The following FHAD1 variants were observed in gnomAD, a reference collection of about 807,000 sequenced individuals.
The protein encoded by FHAD1 is forkhead-associated domain-containing protein 1.
A neutral mutation model predicts 191.3 loss-of-function variants in FHAD1; 146 were observed. The observed-to-expected ratio is 0.76, with a 90% CI of 0.67 to 0.88. FHAD1 has a LOEUF of 0.88. FHAD1 is among the 40% of genes least tolerant of loss of function. FHAD1 has a pLI of 0.00. For missense variants in FHAD1, 1,635 were observed against 1,785.8 expected (o/e 0.92, Z 1.52); for synonymous variants, 616 against 672.3 (o/e 0.92, Z 1.29).
chr1:15,289,665 A>G lies in FHAD1; in HGVS notation c.567A>G (p.Gln189=). The change falls in exon 4 of 34, where the codon CAA becomes CAG. Residue 189 remains glutamine (Q), a splice_region_variant and synonymous_variant. Coordinates refer to ENST00000688493, the MANE Select transcript of FHAD1 (RefSeq NM_001391957.1). The surrounding 1 kb of genome is among the most constrained non-coding windows in gnomAD (Gnocchi z 4.2). ...CCCGCAAGCCACCCGTCATCAAGCAAGGTATGCGTCAGGGCTGCCATTGGT... is the reference window on the plus strand; with the variant it reads ...CCCGCAAGCCACCCGTCATCAAGCAGGGTATGCGTCAGGGCTGCCATTGGT... ...DDARKPPVIK[Q]VWTNAMKLSE... 2 of 1,546,994 alleles carry G rather than the reference A, an allele frequency of 1.3e-6. No homozygotes were observed. Among genetic ancestry groups the G allele is most frequent in the Non-Finnish European group, 1.7e-6 (2 of 1,143,290 alleles).
chr1:15,330,070 T>C (rs1680583874), intron 14 of FHAD1: 1 of 154,308 alleles, frequency 6.5e-6, no homozygotes, highest in Non-Finnish European at 1.4e-5. Flanking sequence ...CCCTCGATTT[T>C]CTTTGGTTTA....
chr1:15,286,585 C>T (rs557686425), intron 3 of FHAD1, among the ~76,000 whole-genome samples: 2 of 152,362 alleles, frequency 1.3e-5, no homozygotes, highest in East Asian at 3.9e-4. Flanking sequence ...TCTCAAGTCC[C>T]CAGTTCTCTG....
intron 11 of FHAD1, 168 bp from the exon 12 acceptor site, chr1:15,326,891 T>G (rs979175834): frequency 5.1e-6 from 3 of 584,690 alleles, no homozygotes. Context: ...TTTTCTTCTG[T>G]GGGTCCCGCC....
Position 15,248,948 on chromosome 1 carries a change from C to G in FHAD1, c.-15+1553C>G, listed in dbSNP as rs1023584824. The stretch of plus-strand genomic sequence containing the variant: ...CCTGGATAGGGACACTATCCCTATC[C>G]TCTCAGGATATTTGCCCTACAGATG... On this transcript the variant is annotated intron_variant, in intron 1 of 33. Transcript: ENST00000688493. Among the ~76,000 whole-genome samples, 20 of 151,724 alleles carry G rather than the reference C, an allele frequency of 1.3e-4. No homozygotes were observed. The East Asian group carries it at 3.7e-3, about 28-fold the overall frequency.
Position 15,391,253 on chromosome 1 carries a change from C to T in FHAD1, c.4313C>T (p.Ser1438Leu), listed in dbSNP as rs1210806292. The T allele has an allele frequency of 3.0e-5, 39 of 1,288,236 alleles. No homozygotes were observed. Among genetic ancestry groups the T allele is most frequent in the Non-Finnish European group, 3.6e-5 (36 of 987,738 alleles). The allele number at this position is 1,288,236 out of a possible 1,614,324, so 79.8% of individuals were successfully genotyped here. ...VEMVKNRMQNSNSQVGTRKAS... is the reference protein window; with the variant it reads ...VEMVKNRMQNLNSQVGTRKAS... ...ATGGTGAAGAACAGGATGCAGAACT[C>T]AAATTCCCAGGTGAGCAGAAAGAGC... The change falls in exon 33 of 34, where the codon TCA becomes TTA. Residue 1438 changes from serine to leucine, a missense_variant. Transcript: ENST00000688493.
chr1:15,388,112 T>C lies in FHAD1; in HGVS notation c.4250T>C (p.Phe1417Ser). Residue 1417 changes from phenylalanine to serine, a missense_variant, in exon 32 of 34, where the codon TTC (phenylalanine) becomes TCC (serine). Transcript: ENST00000688493. ...AKESTPCNCA[F>S]KEKDRQRRVF... The stretch of plus-strand genomic sequence containing the variant: ...GAATCGACACCTTGCAACTGTGCCT[T>C]CAAAGAGAAAGACAGGCAGGTATGG... The C allele has an allele frequency of 7.8e-7, 1 of 1,289,752 alleles. No individual in the cohort carries two copies. 79.9% of individuals were successfully genotyped at this position (1,289,752 alleles called of 1,614,324 possible). A position where few individuals can be genotyped will look rare whatever the true frequency, so the allele number is the denominator to read the frequency against.
chr1:15,372,634 T>C (rs1698444583), intron 26 of FHAD1, among the ~76,000 whole-genome samples: 1 of 152,226 alleles, frequency 6.6e-6, no homozygotes. Context: ...ACTTCTAAAA[T>C]AATTTTGGTT....
chr1:15,272,585 G>A (rs1340991413), intron 3 of FHAD1, 56 bp downstream of exon 3: 12 of 1,474,314 alleles, frequency 8.1e-6, no homozygotes, highest in East Asian at 5.0e-5. Context: ...GCAGCCCGGC[G>A]CTCGGATGCA....
chr1:15,341,292 T>A (rs1363531015), intron 15 of FHAD1, among the ~76,000 whole-genome samples: 1 of 152,226 alleles, frequency 6.6e-6, no homozygotes, highest in Non-Finnish European at 1.5e-5. Context: ...CCCTTCTCCT[T>A]ATTTTTCAGA....
chr1:15,308,026 G>A (rs1278491375), intron 6 of FHAD1, among the ~76,000 whole-genome samples: 12 of 152,236 alleles, frequency 7.9e-5, no homozygotes, highest in Admixed American at 4.6e-4. Flanking sequence ...CACTGCGCCC[G>A]GCCTAAACCT....
intron 18 of FHAD1, among the ~76,000 whole-genome samples, chr1:15,345,796 A>C (rs532118591): frequency 5.8e-4 from 89 of 152,266 alleles, no homozygotes; most frequent in African/African-American, 2.1e-3. Context: ...GAATGGTGAC[A>C]TGGGCGTCTT....
chr1:15,302,662 T>C (rs971917550), intron 6 of FHAD1, among the ~76,000 whole-genome samples: 6 of 148,898 alleles, frequency 4.0e-5, no homozygotes, highest in African/African-American at 1.5e-4. Context: ...GAGCTTGCAG[T>C]GAGCCAAGAT....
chr1:15,390,575 G>A (rs1007773763), intron 32 of FHAD1, among the ~76,000 whole-genome samples: 4 of 152,072 alleles, frequency 2.6e-5, no homozygotes, highest in African/African-American at 9.7e-5. Context: ...ATGGAAGGTT[G>A]GGGATCTCTG....
At chr1:15,328,034 A>C in intron 12 of FHAD1, 1 of 140,472 alleles carries the variant, frequency 7.1e-6, no homozygotes, top group South Asian at 2.6e-4. Flanking sequence ...ACTCCGTCGC[A>C]AAAAAAAAAA....
chr1:15,303,802 T>A (rs1669571911), intron 6 of FHAD1, among the ~76,000 whole-genome samples: 2 of 148,906 alleles, frequency 1.3e-5, no homozygotes, highest in Non-Finnish European at 3.0e-5. Flanking sequence ...TGAGCAGAGA[T>A]CATGCCACCA....
At position 15,397,726 on chromosome 1, in the gene FHAD1, A is replaced by G. The variant is rs1350527859; in HGVS notation, c.*313A>G. 5.6e-6 allele frequency: 1 copy of G among 178,022 alleles called. No homozygotes were observed. The highest frequency in any genetic ancestry group is 1.2e-5 in the Non-Finnish European group (1 of 85,246). The allele number at this position is 178,022 out of a possible 1,614,324, so 11.0% of individuals were successfully genotyped here. On this transcript the variant is annotated 3_prime_UTR_variant, in exon 34 of 34. Transcript: ENST00000688493. ...TGGGTCATGATGTTCCCAAATATCA[A>G]ACCTCCTAAGACTTCCAACAGACTC...
At chr1:15,243,395 C>T (rs1307593518), upstream of FHAD1, among the ~76,000 whole-genome samples, 2 of 152,232 alleles carry the variant, frequency 1.3e-5, no homozygotes, top group African/African-American at 4.8e-5. Flanking sequence ...CTATTTCCTG[C>T]ACTCTTTACT....
intron 17 of FHAD1, 59 bp from the exon 18 acceptor site, chr1:15,345,357 G>A: frequency 1.4e-6 from 2 of 1,478,522 alleles, no homozygotes; most frequent in Non-Finnish European, 1.9e-6. Flanking sequence ...GCGGTGCCTG[G>A]CAGAGTCCAG....
At chr1:15,389,053 T>C (rs1703102758) in intron 32 of FHAD1, among the ~76,000 whole-genome samples, 2 of 152,168 alleles carry the variant, frequency 1.3e-5, no homozygotes, top group African/African-American at 4.8e-5. Flanking sequence ...CCACCTGGGA[T>C]TCCTGGAGCC....
Sources: gnomAD v4.1 joint callset for allele counts (sites outside exome capture counted in the v4.1 genomes callset) on GRCh38, gnomAD v4.1.1 for gene constraint, Gnocchi (gnomAD v3.1) non-coding constraint, MANE v1.5 for transcripts, NCBI Gene and HGNC (gene_info 2026-07-23, HGNC 2026-07-21) for gene names.